TP53BP1: variants seen among roughly 807,000 people sequenced by gnomAD.
TP53BP1 encodes the protein tumor protein p53 binding protein 1.
A neutral mutation model predicts 200.8 loss-of-function variants in TP53BP1; 61 were observed. The observed-to-expected ratio is 0.30, with a 90% CI of 0.25 to 0.38. The LOEUF (loss-of-function observed/expected upper bound fraction) is 0.38, where lower values mean the gene tolerates loss of function less well. Among genes scored for constraint, TP53BP1 ranks in the 10% least tolerant of loss-of-function variants. The pLI is 1.00. For synonymous variants in TP53BP1, 822 were observed against 844.3 expected, an observed-to-expected ratio of 0.97 and a Z score of 0.46; for missense variants, 2,144 against 2,371.9, an observed-to-expected ratio of 0.90 and a Z score of 2.00.
Position 43,409,018 on chromosome 15 carries a change from C to T in TP53BP1, c.5479G>A (p.Gly1827Arg). Residue 1827 changes from glycine to arginine, a missense_variant, in exon 26 of 28, where the codon GGG becomes AGG. Coordinates refer to ENST00000382044, the MANE Select transcript of TP53BP1 (RefSeq NM_001141980.3). ...CAGACATGAGACACACAAGGAATCCCACTGGCAAGGCACAGGAAGTACTTC... is the reference window on the plus strand; with the variant it reads ...CAGACATGAGACACACAAGGAATCCTACTGGCAAGGCACAGGAAGTACTTC... ...TRKYFLCLAS[G>R]IPCVSHVWVH... The T allele has an allele frequency of 6.2e-7, 1 of 1,614,152 alleles. No individual in the cohort carries two copies. Among genetic ancestry groups the T allele is most frequent in the Non-Finnish European group, 8.5e-7 (1 of 1,180,014 alleles).
At chr15:43,485,570 C>T (rs1216939477) in intron 4 of TP53BP1, among the ~76,000 whole-genome samples, 1 of 598 alleles carries the variant, frequency 1.7e-3, no homozygotes, top group East Asian at 0.071. Context: ...GAGCGAGACG[C>T]CGTCTCAAAA....
rs766158741 is a variant in TP53BP1, at chr15:43,492,428, A to C, written c.48T>G (p.Asp16Glu). ...MDPTGSQLDS[D>E]FSQQDTPCLI... ...GGCAAGGAGTATCTTGCTGAGAGAA[A>C]TCTGAATCCAACTGACTTCCAGTAG... is the stretch of plus-strand genomic sequence containing the variant. The change falls in exon 2 of 28, where the codon GAT becomes GAG. Residue 16 changes from aspartate to glutamate, a missense_variant. Transcript: ENST00000382044. 8.7e-6 allele frequency: 14 copies of C among 1,614,082 alleles called. No homozygotes were observed. Among genetic ancestry groups the C allele is most frequent in the Non-Finnish European group, 1.1e-5 (13 of 1,179,980 alleles).
intron 14 of TP53BP1, among the ~76,000 whole-genome samples, chr15:43,444,590 C>G (rs747047826): frequency 6.6e-6 from 1 of 152,102 alleles, no homozygotes. Context: ...TTAGGGAAGG[C>G]GCTCAACCTT....
Position 43,407,572 on chromosome 15 carries a change from T to C in TP53BP1, c.5747-2A>G. 6.2e-7 allele frequency: 1 copy of C among 1,609,392 alleles called. No individual in the cohort carries two copies. Among genetic ancestry groups the C allele is most frequent in the Non-Finnish European group, 8.5e-7 (1 of 1,176,866 alleles). On this transcript the variant is annotated splice_acceptor_variant, in intron 27 of 27. Transcript: ENST00000382044. LOFTEE classifies it high-confidence loss of function. ...CATCAAATACCCCTAAAGCAATATC[T>C]GCAAGGAGCAAGGGAAAGTGAAGAA... is the stretch of plus-strand genomic sequence containing the variant.
chr15:43,432,103 G>C, intron 17 of TP53BP1, 91 bp downstream of exon 17: 7 of 1,505,110 alleles, frequency 4.7e-6, no homozygotes, highest in Non-Finnish European at 6.3e-6. Context: ...GTCAAGAATT[G>C]TCATTAGGCA....
intron 18 of TP53BP1, among the ~76,000 whole-genome samples, chr15:43,423,432 T>G (rs915680448): frequency 6.6e-6 from 1 of 151,596 alleles, no homozygotes; most frequent in East Asian, 2.0e-4. Context: ...CAGAGGCAGG[T>G]GGATCACTTG....
intron 11 of TP53BP1, among the ~76,000 whole-genome samples, chr15:43,457,460 G>A (rs1438703982): frequency 2.0e-5 from 3 of 151,874 alleles, no homozygotes; most frequent in Admixed American, 1.3e-4. Flanking sequence ...TTTACTTCAC[G>A]ATTTCAAAAT....
At chr15:43,438,451 T>C in intron 15 of TP53BP1, 35 bp from the exon 16 acceptor site, 1 of 1,540,590 alleles carries the variant, frequency 6.5e-7, no homozygotes, top group Non-Finnish European at 8.8e-7. Context: ...TATTGTTAAC[T>C]TTGAAAAGAA....
At chr15:43,501,975 T>C (rs755953081) in intron 1 of TP53BP1, among the ~76,000 whole-genome samples, 1 of 152,218 alleles carries the variant, frequency 6.6e-6, no homozygotes, top group Non-Finnish European at 1.5e-5. Context: ...TGCTGGGTCA[T>C]AGGATGTGTG....
At chr15:43,420,228 T>C (rs45587433) in intron 21 of TP53BP1, 77 bp downstream of exon 21, 1 of 1,364,698 alleles carries the variant, frequency 7.3e-7, no homozygotes, top group East Asian at 2.3e-5. Context: ...AGTAATGTCT[T>C]GGTAACTACT....
At chr15:43,457,278 C>A (rs2046323437) in intron 11 of TP53BP1, 60 bp from the exon 12 acceptor site, 3 of 1,363,938 alleles carry the variant, frequency 2.2e-6, no homozygotes, top group South Asian at 3.2e-5. Context: ...TCTTTTATAT[C>A]GAATCCTTGG....
At chr15:43,412,295 G>A (rs979697719) in intron 24 of TP53BP1, among the ~76,000 whole-genome samples, 1 of 152,176 alleles carries the variant, frequency 6.6e-6, no homozygotes, top group African/African-American at 2.4e-5. Flanking sequence ...TGCAAATTAT[G>A]ACAACCATGT....
At chr15:43,411,251 T>C (rs112735324) in intron 24 of TP53BP1, among the ~76,000 whole-genome samples, 109 of 152,206 alleles carry the variant, frequency 7.2e-4, no homozygotes, top group Non-Finnish European at 2.9e-4. Flanking sequence ...ATTTTTGAGG[T>C]ATAAGTGCCC....
intron 16 of TP53BP1, among the ~76,000 whole-genome samples, chr15:43,436,760 C>T (rs1483133756): frequency 6.6e-6 from 1 of 151,792 alleles, no homozygotes; most frequent in Non-Finnish European, 1.5e-5. Context: ...GGATTACAGG[C>T]GTGAGCCACC....
At chr15:43,447,845 G>C (rs953612189) in intron 12 of TP53BP1, among the ~76,000 whole-genome samples, 2 of 152,178 alleles carry the variant, frequency 1.3e-5, no homozygotes, top group African/African-American at 4.8e-5. Flanking sequence ...TACAAATTTG[G>C]ACAGTTTCAA....
intron 1 of TP53BP1, among the ~76,000 whole-genome samples, chr15:43,505,172 T>C (rs2079229661): frequency 1.3e-5 from 2 of 152,140 alleles, no homozygotes; most frequent in South Asian, 4.1e-4. Context: ...TGTGATATTG[T>C]AAAGGGAATA....
intron 4 of TP53BP1, among the ~76,000 whole-genome samples, chr15:43,485,229 G>A (rs987020964): frequency 6.6e-6 from 1 of 152,014 alleles, no homozygotes; most frequent in Admixed American, 6.6e-5. Flanking sequence ...TATTTCTTCT[G>A]ATCACTTTGT....
chr15:43,413,930 A>G (rs935007625), intron 23 of TP53BP1: 20 of 355,134 alleles, frequency 5.6e-5, no homozygotes, highest in Non-Finnish European at 1.0e-4. Context: ...GTGCCACATC[A>G]AAATAGCCTG....
Position 43,469,974 on chromosome 15 carries a change from G to T in TP53BP1, c.1273C>A (p.Pro425Thr), listed in dbSNP as rs2046685268. ...QSGEPVELEN[P>T]PLLPESTVSP... Reference sequence around the variant, plus strand: ...ACAGTGGACTCAGGCAGGAGAGGGGGGTTTTCTAACTCCACTGGTTCACCA... The same window carrying T: ...ACAGTGGACTCAGGCAGGAGAGGGGTGTTTTCTAACTCCACTGGTTCACCA... The change falls in exon 11 of 28, where the codon CCC becomes ACC. Residue 425 changes from proline (P) to threonine (T), a missense_variant. Pro to Thr is a conservative substitution (Grantham distance 38). This residue lies in a region of TP53BP1 where 1,700 missense variants were observed against 1,710.3 expected (regional missense o/e 0.99). Transcript: ENST00000382044. 6.2e-7 allele frequency: 1 copy of T among 1,613,852 alleles called. No individual in the cohort carries two copies. Among genetic ancestry groups the T allele is most frequent in the Non-Finnish European group, 8.5e-7 (1 of 1,179,966 alleles).
Sources: allele counts gnomAD v4.1 joint callset (sites outside exome capture counted in the v4.1 genomes callset), GRCh38; gene constraint gnomAD v4.1.1; regional missense constraint gnomAD v4.1.1; transcripts MANE v1.5; gene names NCBI Gene and HGNC (gene_info 2026-07-23, HGNC 2026-07-21).